The following TRAPPC8 variants were observed in gnomAD, a reference collection of about 807,000 sequenced individuals.
The protein encoded by TRAPPC8 is trafficking protein particle complex subunit 8.
In TRAPPC8, 54 loss-of-function variants were observed where a neutral mutation model predicts 174.3. That is an observed-to-expected ratio of 0.31 (90% CI 0.25 to 0.39). The LOEUF (loss-of-function observed/expected upper bound fraction) is 0.39. TRAPPC8 is among the 10% of genes least tolerant of loss of function. TRAPPC8 has a pLI of 1.00. For missense variants in TRAPPC8, 1,531 were observed against 1,699.1 expected, an observed-to-expected ratio of 0.90 and a Z score of 1.74; for synonymous variants, 630 against 579.9, an observed-to-expected ratio of 1.09 and a Z score of -1.24.
At chr18:31,902,885 T>C (rs1188516910) in intron 9 of TRAPPC8, among the ~76,000 whole-genome samples, 1 of 151,898 alleles carries the variant, frequency 6.6e-6, no homozygotes, top group African/African-American at 2.4e-5. Flanking sequence ...CCATCTCTAC[T>C]AAAAATACAA....
chr18:31,934,899 A>T (rs2038013488), intron 1 of TRAPPC8, among the ~76,000 whole-genome samples: 1 of 150,686 alleles, frequency 6.6e-6, no homozygotes, highest in Non-Finnish European at 1.5e-5. Flanking sequence ...GAGAGCTGAG[A>T]TCACACTACT....
chr18:31,936,225 G>GA (rs2054239434), intron 1 of TRAPPC8, among the ~76,000 whole-genome samples: 1 of 151,778 alleles, frequency 6.6e-6, no homozygotes, highest in Admixed American at 6.6e-5. Context: ...TTGGGAGGCC[G>GA]AGGCTGGCAG....
chr18:31,851,354 G>T (rs2033693617), intron 24 of TRAPPC8, among the ~76,000 whole-genome samples: 1 of 152,142 alleles, frequency 6.6e-6, no homozygotes, highest in Admixed American at 6.5e-5. Context: ...ATTATGGTCT[G>T]CAGGCTAATA....
Position 31,890,762 on chromosome 18 carries a change from T to C in TRAPPC8, c.1701A>G (p.Ala567=), listed in dbSNP as rs1453156746. The part of the protein sequence containing the change: ...VRKYAFHMIL[A]GHRFSKAGQK... The stretch of plus-strand genomic sequence containing the variant: ...GCCCTGCTTTACTAAATCGATGGCC[T>C]GCCAATATCATATGAAATGCATATT... Residue 567 remains alanine, a synonymous_variant, in exon 12 of 29, where the codon GCA becomes GCG. Coordinates refer to ENST00000283351, the MANE Select transcript of TRAPPC8 (RefSeq NM_014939.5). The C allele has an allele frequency of 6.2e-7, 1 of 1,611,810 alleles. No homozygotes were observed. The highest frequency in any genetic ancestry group is 1.1e-5 in the South Asian group (1 of 90,796).
intron 2 of TRAPPC8, among the ~76,000 whole-genome samples, chr18:31,925,239 TG>T (rs1237001878): frequency 6.9e-6 from 1 of 145,888 alleles, no homozygotes; most frequent in Non-Finnish European, 1.5e-5. Context: ...ATAATACGAA[TG>T]AAAAAAAAAG....
At chr18:31,837,315 G>C (rs1244982098) in intron 27 of TRAPPC8, among the ~76,000 whole-genome samples, 1 of 114,222 alleles carries the variant, frequency 8.8e-6, no homozygotes, top group Admixed American at 8.1e-5. Context: ...CTTTGGAGAC[G>C]TTACTATGTA....
intron 1 of TRAPPC8, among the ~76,000 whole-genome samples, chr18:31,938,862 A>C (rs998436456): frequency 1.3e-5 from 2 of 152,140 alleles, no homozygotes; most frequent in African/African-American, 4.8e-5. Flanking sequence ...CGGGCAGATC[A>C]TGAGGTCAAG....
intron 26 of TRAPPC8, among the ~76,000 whole-genome samples, chr18:31,844,122 TG>T (rs2033257245): frequency 6.6e-6 from 1 of 152,232 alleles, no homozygotes; most frequent in Non-Finnish European, 1.5e-5. Flanking sequence ...CAAGGAACCC[TG>T]GCTCCTTTTA....
chr18:31,829,238 G>C lies in TRAPPC8; in HGVS notation c.*1517C>G, dbSNP rs2032229431. 1 of 152,150 alleles carries C rather than the reference G, an allele frequency of 6.6e-6. No individual in the cohort carries two copies. The highest frequency in any genetic ancestry group is 1.5e-5 in the Non-Finnish European group (1 of 68,024). The allele number at this position is 152,150 out of a possible 1,614,324, so 9.4% of individuals were successfully genotyped here. A position where few individuals can be genotyped will look rare whatever the true frequency, so the allele number is the denominator to read the frequency against. Reference sequence around the variant, plus strand: ...ACCTTTATTTTTAATATATTCAGTTGTAGGTTTATATAGTTTAATTTTTTT... The same window carrying C: ...ACCTTTATTTTTAATATATTCAGTTCTAGGTTTATATAGTTTAATTTTTTT... On this transcript the variant is annotated 3_prime_UTR_variant, in exon 29 of 29. Coordinates refer to ENST00000283351, the MANE Select transcript of TRAPPC8 (RefSeq NM_014939.5).
chr18:31,924,957 A>C (rs185493453), intron 2 of TRAPPC8, among the ~76,000 whole-genome samples: 74 of 152,252 alleles, frequency 4.9e-4, no homozygotes, highest in African/African-American at 1.7e-3. Context: ...TAATAGAAAA[A>C]AAAGGCCCAG....
chr18:31,929,204 A>AG lies in TRAPPC8; in HGVS notation c.352+2124dup, dbSNP rs398032378. ...CTCAAAAAAAGTGAAAAAAAAAAAA[A>AG]GAAAAGAATCCAGCCAAACTCCTGT... is the stretch of plus-strand genomic sequence containing the variant. On this transcript the variant is annotated intron_variant, in intron 2 of 28. Coordinates refer to ENST00000283351, the MANE Select transcript of TRAPPC8 (RefSeq NM_014939.5). Among the ~76,000 whole-genome samples the AG allele has an allele frequency of 6.7e-5, 10 of 150,286 alleles. No individual in the cohort carries two copies. In the South Asian group the frequency reaches 1.7e-3, roughly 25 times the overall value.
At chr18:31,931,887 C>T (rs1440602554) in intron 1 of TRAPPC8, among the ~76,000 whole-genome samples, 2 of 152,144 alleles carry the variant, frequency 1.3e-5, no homozygotes, top group Non-Finnish European at 2.9e-5. Context: ...GGTATTAACA[C>T]TAGAAACAGT....
intron 1 of TRAPPC8, among the ~76,000 whole-genome samples, chr18:31,933,295 C>T (rs1488538037): frequency 4.7e-5 from 6 of 128,292 alleles, no homozygotes; most frequent in Non-Finnish European, 6.5e-5. Flanking sequence ...AGCGAGACTC[C>T]GTCTCAAAAA....
Position 31,874,688 on chromosome 18 carries a change from C to T in TRAPPC8, c.1745G>A (p.Arg582His), listed in dbSNP as rs751418112. ...SKAGQKKHALRCYCQAMQVYK... is the reference protein window; with the variant it reads ...SKAGQKKHALHCYCQAMQVYK... ...AACTTGCATGGCTTGACAATAACAG[C>T]GTAAAGCATGCTTTTTCTGTAAGAA... Residue 582 changes from arginine (R) to histidine (H), a missense_variant, in exon 13 of 29, where the codon CGC becomes CAC. Physicochemically the swap from Arg to His is conservative, Grantham distance 29 (BLOSUM62 0). Coordinates refer to ENST00000283351, the MANE Select transcript of TRAPPC8 (RefSeq NM_014939.5). The T allele has an allele frequency of 5.3e-5, 85 of 1,611,142 alleles. 1 individual carries two copies. In the South Asian group the frequency reaches 8.2e-4, roughly 16 times the overall value.
intron 11 of TRAPPC8, among the ~76,000 whole-genome samples, chr18:31,897,360 AAACT>A (rs1253112527): frequency 6.6e-6 from 1 of 152,214 alleles, no homozygotes; most frequent in Non-Finnish European, 1.5e-5. Context: ...GTTGAAAGTA[AAACT>A]AAAAATTCCT....
chr18:31,881,004 A>G (rs1225037298), intron 12 of TRAPPC8, among the ~76,000 whole-genome samples: 1 of 152,104 alleles, frequency 6.6e-6, no homozygotes, highest in Admixed American at 6.6e-5. Context: ...CACAAACAAA[A>G]GAACAAAAAA....
rs1190991700 is a variant in TRAPPC8, at chr18:31,874,533, G to A, written c.1900C>T (p.Gln634Ter). Residue 634 changes from glutamine (Q) to a stop codon, truncating the protein, a stop_gained, in exon 13 of 29, where the codon CAA becomes TAA. Coordinates refer to ENST00000283351, the MANE Select transcript of TRAPPC8 (RefSeq NM_014939.5). LOFTEE classifies it high-confidence loss of function. ...AAAGCCCCCTGTTGAGCAGCAGATT[G>A]TTTACTTTCATTAATTAGAATATGC... ...FRHILINESK[Q>*]SAAQQGAFLR... 6.2e-7 allele frequency: 1 copy of A among 1,613,994 alleles called. No individual in the cohort carries two copies. The highest frequency in any genetic ancestry group is 8.5e-7 in the Non-Finnish European group (1 of 1,180,022).
intron 24 of TRAPPC8, among the ~76,000 whole-genome samples, chr18:31,850,688 T>G (rs1432511718): frequency 6.6e-6 from 1 of 152,208 alleles, no homozygotes; most frequent in Non-Finnish European, 1.5e-5. Flanking sequence ...CATTTTCTCC[T>G]TATGAGCGAA....
intron 12 of TRAPPC8, among the ~76,000 whole-genome samples, chr18:31,880,470 C>CA (rs1232577215): frequency 6.6e-6 from 1 of 151,910 alleles, no homozygotes; most frequent in Non-Finnish European, 1.5e-5. Context: ...AAGCTCTTAA[C>CA]AAACTAAGCA....
Sources: allele counts gnomAD v4.1 joint callset (sites outside exome capture counted in the v4.1 genomes callset), GRCh38; gene constraint gnomAD v4.1.1; transcripts MANE v1.5; gene names NCBI Gene and HGNC (gene_info 2026-07-23, HGNC 2026-07-21).